Variants in SHISA9 observed in about 807,000 individuals in gnomAD.
SHISA9 encodes protein shisa-9.
In SHISA9, 13 loss-of-function variants were observed where a neutral mutation model predicts 38.0. The ratio of observed to expected loss-of-function variants is 0.34; its 90% CI spans 0.22 to 0.54. The LOEUF (loss-of-function observed/expected upper bound fraction) is 0.54. Among genes scored for constraint, SHISA9 ranks in the 20% least tolerant of loss-of-function variants. The pLI is 0.91. For synonymous variants in SHISA9, 275 were observed against 242.0 expected, an observed-to-expected ratio of 1.14 and a Z score of -1.27; for missense variants, 538 against 575.8, an observed-to-expected ratio of 0.93 and a Z score of 0.67.
chr16:12,955,214 A>G (rs894860618), intron 2 of SHISA9, among the ~76,000 whole-genome samples: 1 of 152,126 alleles, frequency 6.6e-6, no homozygotes, highest in African/African-American at 2.4e-5. Flanking sequence ...GACTGGCTGG[A>G]TTCCACCAAT....
chr16:13,248,753 T>C, the SHISA9 span, among the ~76,000 whole-genome samples: 3 of 152,194 alleles, frequency 2.0e-5, no homozygotes, highest in African/African-American at 7.2e-5. Context: ...TTTGTTTTTG[T>C]TGGGGTCCCC....
intron 2 of SHISA9, among the ~76,000 whole-genome samples, chr16:13,062,873 C>T (rs1325358682): frequency 2.6e-5 from 4 of 152,204 alleles, no homozygotes; most frequent in South Asian, 2.1e-4. Context: ...GAAAGTGGCT[C>T]ACCAGCCTCA....
chr16:13,106,854 C>T (rs577314439), intron 2 of SHISA9, among the ~76,000 whole-genome samples: 4 of 152,216 alleles, frequency 2.6e-5, no homozygotes, highest in South Asian at 4.1e-4. Context: ...AGAATGAAGC[C>T]GTCCCAGAGG....
the SHISA9 span, among the ~76,000 whole-genome samples, chr16:13,249,650 CTG>C: frequency 5.9e-5 from 9 of 152,078 alleles, no homozygotes; most frequent in Admixed American, 4.6e-4. Context: ...GTTTCCTTCT[CTG>C]TGTCTGTTTT....
intron 2 of SHISA9, among the ~76,000 whole-genome samples, chr16:13,033,041 C>G (rs1596599438): frequency 2.0e-5 from 3 of 152,284 alleles, no homozygotes; most frequent in East Asian, 3.9e-4. Context: ...CGCATGGTGA[C>G]CAGATGGTGG....
intron 2 of SHISA9, among the ~76,000 whole-genome samples, chr16:12,989,686 T>A (rs762350008): frequency 1.3e-5 from 2 of 152,166 alleles, no homozygotes; most frequent in African/African-American, 4.8e-5. Flanking sequence ...TGATTAGGTT[T>A]CCGTGTCATT....
chr16:13,285,426 G>A, the SHISA9 span, among the ~76,000 whole-genome samples: 7 of 146,032 alleles, frequency 4.8e-5, no homozygotes, highest in African/African-American at 1.8e-4. Context: ...GGCAATGAAT[G>A]CAGATTTAGA....
chr16:13,546,557 A>C, the SHISA9 span, among the ~76,000 whole-genome samples: 2 of 152,210 alleles, frequency 1.3e-5, no homozygotes, highest in East Asian at 3.8e-4. Context: ...AAATTCTCCA[A>C]TTGAAAGACG....
intron 2 of SHISA9, among the ~76,000 whole-genome samples, chr16:13,116,526 G>C (rs540389431): frequency 6.6e-6 from 1 of 152,324 alleles, no homozygotes; most frequent in South Asian, 2.1e-4. Flanking sequence ...GCATGGGACA[G>C]TGAGCAGGAC....
chr16:13,077,601 A>C (rs188442359), intron 2 of SHISA9, among the ~76,000 whole-genome samples: 1 of 152,060 alleles, frequency 6.6e-6, no homozygotes, highest in Non-Finnish European at 1.5e-5. Context: ...CCTCTAGTAC[A>C]TTTTCTCTGC....
the SHISA9 span, among the ~76,000 whole-genome samples, chr16:13,263,935 A>AG: frequency 6.6e-6 from 1 of 152,086 alleles, no homozygotes. Flanking sequence ...GAAAAAAAAA[A>AG]TCTTCCTTAT....
At chr16:13,389,382 T>C in the SHISA9 span, among the ~76,000 whole-genome samples, 2 of 152,214 alleles carry the variant, frequency 1.3e-5, no homozygotes, top group Admixed American at 1.3e-4. Context: ...GCCGTGTCTC[T>C]TTATGGCTTG....
intron 2 of SHISA9, among the ~76,000 whole-genome samples, chr16:13,104,021 T>A (rs2073903626): frequency 6.6e-6 from 1 of 152,140 alleles, no homozygotes; most frequent in African/African-American, 2.4e-5. Flanking sequence ...ATCTGTTCCA[T>A]CTCCAAATTG....
At chr16:13,321,762 A>G in the SHISA9 span, among the ~76,000 whole-genome samples, 2 of 152,210 alleles carry the variant, frequency 1.3e-5, no homozygotes, top group East Asian at 3.8e-4. Flanking sequence ...CCATTGTTAG[A>G]TAGTTGGACT....
intron 2 of SHISA9, among the ~76,000 whole-genome samples, chr16:13,032,532 T>C (rs528699037): frequency 2.6e-5 from 4 of 152,286 alleles, no homozygotes; most frequent in African/African-American, 9.6e-5. Flanking sequence ...CCCCATAAAC[T>C]CTGTAGTTTT....
chr16:13,353,948 T>C, the SHISA9 span, among the ~76,000 whole-genome samples: 1 of 152,010 alleles, frequency 6.6e-6, no homozygotes. Context: ...TGAGGAATTA[T>C]GTCTGACAGA....
At chr16:13,312,873 C>T in the SHISA9 span, among the ~76,000 whole-genome samples, 5 of 151,996 alleles carry the variant, frequency 3.3e-5, no homozygotes, top group African/African-American at 1.2e-4. Flanking sequence ...TAAAAATTAG[C>T]AAAACCAACT....
chr16:13,142,605 C>T (rs1451748329), intron 2 of SHISA9, among the ~76,000 whole-genome samples: 1 of 152,214 alleles, frequency 6.6e-6, no homozygotes, highest in Non-Finnish European at 1.5e-5. Flanking sequence ...CCTTCTTTCT[C>T]CTTCTGCCAG....
rs545895917 is a variant in SHISA9 at position 13,071,960 on chromosome 16, C to T, written c.692-131434C>T. The stretch of plus-strand genomic sequence containing the variant: ...CGTGGCTGGCCAAACCCCAGGCTTT[C>T]TGACACCCGCTCTTCCCAAATCGCC... On this transcript the variant is annotated intron_variant, in intron 2 of 4. Transcript: ENST00000558583. Among the ~76,000 whole-genome samples, 12 of 152,282 alleles carry T rather than the reference C, an allele frequency of 7.9e-5. No homozygotes were observed. The South Asian group carries it at 2.3e-3, about 29-fold the overall frequency.
Sources: allele counts gnomAD v4.1 joint callset (sites outside exome capture counted in the v4.1 genomes callset), GRCh38; gene constraint gnomAD v4.1.1; transcripts MANE v1.5; gene names NCBI Gene and HGNC (gene_info 2026-07-23, HGNC 2026-07-21).